Variants in GARNL3 observed in about 807,000 individuals in gnomAD.
GARNL3 encodes the protein GTPase-activating Rap/Ran-GAP domain-like protein 3.
In GARNL3, 63 loss-of-function variants were observed where a neutral mutation model predicts 125.0. That is an observed-to-expected ratio of 0.50 (90% CI 0.41 to 0.62). The LOEUF (loss-of-function observed/expected upper bound fraction) is 0.62. Ranked by LOEUF, GARNL3 falls within the 20% of genes least tolerant of loss-of-function variation. The pLI is 0.00. For synonymous variants in GARNL3, 439 were observed against 457.5 expected, an observed-to-expected ratio of 0.96 and a Z score of 0.52; for missense variants, 994 against 1,244.0, an observed-to-expected ratio of 0.80 and a Z score of 3.02.
intron 7 of GARNL3, among the ~76,000 whole-genome samples, chr9:127,331,139 T>C (rs1487878731): frequency 6.6e-6 from 1 of 152,080 alleles, no homozygotes. Flanking sequence ...GTGTTTATTA[T>C]GAAATACTTC....
chr9:127,350,125 G>A (rs1830349197), intron 17 of GARNL3, among the ~76,000 whole-genome samples: 1 of 152,108 alleles, frequency 6.6e-6, no homozygotes, highest in African/African-American at 2.4e-5. Flanking sequence ...TGTGCCCATA[G>A]TCATTGTATC....
chr9:127,224,987 G>T (rs2062875824), intron 1 of GARNL3, among the ~76,000 whole-genome samples: 1 of 140,116 alleles, frequency 7.1e-6, no homozygotes, highest in South Asian at 2.3e-4. Flanking sequence ...CAGAGCTGGA[G>T]TTGGGAGCGG....
Position 127,264,818 on chromosome 9 carries a change from C to G in GARNL3, c.-60C>G. On this transcript the variant is annotated 5_prime_UTR_variant, in exon 1 of 28. Coordinates refer to ENST00000373387, the MANE Select transcript of GARNL3 (RefSeq NM_032293.5). ...GGGGACTGTGTCTGTTGCAAGGAGG[C>G]TCCCCTGCAGTGAGGAGCCGGGGCA... The G allele has an allele frequency of 7.2e-7, 1 of 1,397,154 alleles. No homozygotes were observed. Among genetic ancestry groups the G allele is most frequent in the Non-Finnish European group, 9.4e-7 (1 of 1,062,716 alleles). 86.5% of individuals were successfully genotyped at this position (1,397,154 alleles called of 1,614,324 possible). A position where few individuals can be genotyped will look rare whatever the true frequency, so the allele number is the denominator to read the frequency against.
chr9:127,380,632 T>C lies in GARNL3; in HGVS notation c.2162-2806T>C, dbSNP rs542143039. On this transcript the variant is annotated intron_variant, in intron 22 of 27. Transcript: ENST00000373387. The stretch of plus-strand genomic sequence containing the variant: ...TAAAAAGGAATGATGCACTGACACA[T>C]GGGTGAGCCTCGAAAACATCGAGCT... 2.0e-5 allele frequency among the ~76,000 whole-genome samples: 3 copies of C among 152,168 alleles called. No homozygotes were observed. In the South Asian group the frequency reaches 6.2e-4, roughly 31 times the overall value.
intron 3 of GARNL3, among the ~76,000 whole-genome samples, chr9:127,313,160 C>T (rs1242736177): frequency 2.0e-5 from 3 of 152,094 alleles, no homozygotes; most frequent in Non-Finnish European, 2.9e-5. Flanking sequence ...AAGAAGAAGA[C>T]GGTATTTAGG....
intron 17 of GARNL3, among the ~76,000 whole-genome samples, chr9:127,350,379 A>G (rs1051599738): frequency 1.3e-5 from 2 of 152,196 alleles, no homozygotes; most frequent in East Asian, 1.9e-4. Context: ...GGGGCTAAAT[A>G]AAGTTATCTG....
chr9:127,279,008 A>G (rs1028605012), intron 1 of GARNL3, among the ~76,000 whole-genome samples: 3 of 152,152 alleles, frequency 2.0e-5, no homozygotes, highest in Admixed American at 6.5e-5. Flanking sequence ...AACAAATTAC[A>G]TCTGCAAAGA....
intron 25 of GARNL3, 94 bp downstream of exon 25, chr9:127,387,425 A>C: frequency 2.5e-6 from 3 of 1,205,510 alleles, no homozygotes; most frequent in Middle Eastern, 2.8e-4. Context: ...TACTGTTTAA[A>C]GAAGTTACTA....
intron 7 of GARNL3, 128 bp downstream of exon 7, chr9:127,325,223 A>G (rs2065531530): frequency 2.4e-6 from 2 of 846,380 alleles, no homozygotes; most frequent in Non-Finnish European, 3.8e-6. Flanking sequence ...AGTGGGACAC[A>G]TTGCGCGGAA....
rs150663014 is a variant in GARNL3 at position 127,345,404 on chromosome 9, C to T, written c.1358C>T (p.Ala453Val). The change falls in exon 16 of 28, where the codon GCA becomes GTA. Residue 453 changes from alanine (A) to valine (V), a missense_variant and splice_region_variant. This residue lies in a region of GARNL3 where 728 missense variants were observed against 865.7 expected (regional missense o/e 0.84). Coordinates refer to ENST00000373387, the MANE Select transcript of GARNL3 (RefSeq NM_032293.5). ...RQAEFVRIGQ[A>V]LKLKSIVRGD... ...TAATAGAGATCTCTGTTCTGTAAGG[C>T]ACTAAAACTGAAATCCATTGTGAGA... 11 of 1,598,682 alleles carry T rather than the reference C, an allele frequency of 6.9e-6. No homozygotes were observed. The highest frequency in any genetic ancestry group is 8.5e-6 in the Non-Finnish European group (10 of 1,170,184).
chr9:127,245,962 C>G (rs532204328), intron 2 of GARNL3, among the ~76,000 whole-genome samples: 25 of 152,132 alleles, frequency 1.6e-4, no homozygotes, highest in Non-Finnish European at 2.2e-4. Context: ...TCGGTGCTGT[C>G]CAGTGAAGTA....
chr9:127,243,735 TTAA>T (rs1221458333), intron 2 of GARNL3, among the ~76,000 whole-genome samples: 9 of 152,170 alleles, frequency 5.9e-5, no homozygotes, highest in Non-Finnish European at 1.0e-4. Flanking sequence ...AAAATAAATT[TTAA>T]TAATAACTAG....
chr9:127,282,550 A>C (rs1422472610), intron 1 of GARNL3, among the ~76,000 whole-genome samples: 1 of 152,190 alleles, frequency 6.6e-6, no homozygotes, highest in Non-Finnish European at 1.5e-5. Context: ...TGGAAGTGAG[A>C]TTTGAACCTG....
chr9:127,275,296 G>T (rs1295691250), intron 1 of GARNL3, among the ~76,000 whole-genome samples: 1 of 152,156 alleles, frequency 6.6e-6, no homozygotes, highest in Non-Finnish European at 1.5e-5. Context: ...GAGGAATTTG[G>T]TGTTTTTGCC....
At chr9:127,243,874 T>C (rs1470443441) in intron 2 of GARNL3, among the ~76,000 whole-genome samples, 3 of 152,122 alleles carry the variant, frequency 2.0e-5, no homozygotes, top group Non-Finnish European at 2.9e-5. Context: ...AATAAGTAAA[T>C]GAATAAAGAT....
In GARNL3 at chr9:127,336,280, T is replaced by C. The variant is rs115802684; in HGVS notation, c.982+44T>C. 3,308 of 1,402,852 alleles carry C rather than the reference T, an allele frequency of 2.4e-3. 85 individuals carry two copies. In the African/African-American group the frequency reaches 0.044, roughly 19 times the overall value. 86.9% of individuals were successfully genotyped at this position (1,402,852 alleles called of 1,614,324 possible). On this transcript the variant is annotated intron_variant, in intron 11 of 27. Transcript: ENST00000373387. ...AATGCTCCAGTGTGGCAAGCTGTGG[T>C]TCAGCCTCACTGGACTTCCATGACC...
chr9:127,391,533 A>AAAAAAAAAAAAAAAAAAATATATATATAT lies in GARNL3; in HGVS notation c.2870+767_2870+768insAAAAAAAAAAAAAAAAATATATATATATA. Among the ~76,000 whole-genome samples, 15 of 75,844 alleles carry AAAAAAAAAAAAAAAAAAATATATATATAT rather than the reference A, an allele frequency of 2.0e-4. 1 individual carries two copies. The highest frequency in any genetic ancestry group is 7.0e-4 in the South Asian group (1 of 1,422). The allele number at this position is 75,844 out of a possible 152,430, so 49.8% of individuals were successfully genotyped here. The stretch of plus-strand genomic sequence containing the variant: ...GCAAGACCCATCTCTACAAAAAAAA[A>AAAAAAAAAAAAAAAAAAATATATATATAT]ATATATATATATATATATAGGCTGG... On this transcript the variant is annotated intron_variant, in intron 27 of 27. Transcript: ENST00000373387.
At chr9:127,346,308 AAG>A (rs1830135961) in intron 16 of GARNL3, among the ~76,000 whole-genome samples, 1 of 152,228 alleles carries the variant, frequency 6.6e-6, no homozygotes, top group South Asian at 2.1e-4. Context: ...TCCATTATAA[AAG>A]CAAAATAATT....
chr9:127,315,470 C>G (rs949046840), intron 4 of GARNL3, among the ~76,000 whole-genome samples: 11 of 151,856 alleles, frequency 7.2e-5, no homozygotes, highest in African/African-American at 2.4e-4. Flanking sequence ...AACCTTGTCT[C>G]TATGAAAAAT....
Sources: allele counts gnomAD v4.1 joint callset (sites outside exome capture counted in the v4.1 genomes callset), GRCh38; gene constraint gnomAD v4.1.1; regional missense constraint gnomAD v4.1.1; transcripts MANE v1.5; gene names NCBI Gene and HGNC (gene_info 2026-07-23, HGNC 2026-07-21).